ARHGAP15: variants seen among roughly 807,000 people sequenced by gnomAD.
ARHGAP15 encodes the protein rho GTPase-activating protein 15.
ARHGAP15 carries 51 observed loss-of-function variants against 63.7 expected under a neutral mutation model. The observed-to-expected ratio is 0.80, with a 90% confidence interval of 0.64 to 1.01. ARHGAP15 has a LOEUF of 1.01. ARHGAP15 is among the 50% of genes least tolerant of loss of function. The pLI is 0.00. For synonymous variants in ARHGAP15, 191 were observed against 193.8 expected (o/e 0.99, Z 0.12); for missense variants, 560 against 564.6 (o/e 0.99, Z 0.08).
At chr2:143,753,930 T>C (rs890089673) in intron 13 of ARHGAP15, among the ~76,000 whole-genome samples, 4 of 152,224 alleles carry the variant, frequency 2.6e-5, no homozygotes, top group African/African-American at 7.2e-5. Flanking sequence ...TATTTTTGCC[T>C]TCATCTTCTT....
intron 6 of ARHGAP15, among the ~76,000 whole-genome samples, chr2:143,419,683 TAAC>T (rs1181013382): frequency 1.3e-5 from 2 of 151,806 alleles, no homozygotes; most frequent in Non-Finnish European, 2.9e-5. Context: ...TATATAAACA[TAAC>T]ATATGTATTA....
chr2:143,171,187 C>T (rs142246310), intron 2 of ARHGAP15, among the ~76,000 whole-genome samples: 1 of 152,114 alleles, frequency 6.6e-6, no homozygotes, highest in East Asian at 1.9e-4. Context: ...ATGGAGTGAC[C>T]TCAGGATATC....
intron 6 of ARHGAP15, among the ~76,000 whole-genome samples, chr2:143,412,138 C>A (rs561771541): frequency 7.2e-5 from 11 of 152,212 alleles, no homozygotes; most frequent in African/African-American, 2.6e-4. Flanking sequence ...AATGATTGCT[C>A]TGTCAGCTTG....
In ARHGAP15 at chr2:143,421,071, GT is replaced by G. The variant is rs568627017; in HGVS notation, c.475-14525del. Among the ~76,000 whole-genome samples, 37 of 152,234 alleles carry G rather than the reference GT, an allele frequency of 2.4e-4. No individual in the cohort carries two copies. The East Asian group carries it at 6.4e-3, about 26-fold the overall frequency. On this transcript the variant is annotated intron_variant, in intron 6 of 13. Transcript: ENST00000295095. ...GTTTGCCAGGCTTTTAACTTCTTTG[GT>G]TTTTCCCTCTCCAGATCATGGTGAG...
intron 8 of ARHGAP15, among the ~76,000 whole-genome samples, chr2:143,449,883 A>G (rs938167184): frequency 2.0e-5 from 3 of 151,942 alleles, no homozygotes; most frequent in East Asian, 1.9e-4. Context: ...CTCAGTAAGA[A>G]TCTTTCTCAT....
At chr2:143,487,227 C>A in intron 8 of ARHGAP15, 146 bp from the exon 9 acceptor site, 1 of 880,958 alleles carries the variant, frequency 1.1e-6, no homozygotes, top group South Asian at 2.1e-5. Context: ...GCAAATTTTA[C>A]TCACATGGCT....
At chr2:143,372,109 G>A (rs987284054) in intron 6 of ARHGAP15, among the ~76,000 whole-genome samples, 1 of 151,854 alleles carries the variant, frequency 6.6e-6, no homozygotes, top group African/African-American at 2.4e-5. Flanking sequence ...GGAGGCTGAG[G>A]CAGGAGGATC....
chr2:143,364,856 A>G (rs1253304169), intron 6 of ARHGAP15, among the ~76,000 whole-genome samples: 2 of 152,096 alleles, frequency 1.3e-5, no homozygotes, highest in African/African-American at 4.8e-5. Flanking sequence ...AAATACAACA[A>G]TTATCCAGGC....
chr2:143,367,971 A>C (rs1344021407), intron 6 of ARHGAP15, among the ~76,000 whole-genome samples: 1 of 152,094 alleles, frequency 6.6e-6, no homozygotes, highest in Non-Finnish European at 1.5e-5. Flanking sequence ...GTTTATTGAA[A>C]GATCAATGGA....
chr2:143,542,749 A>AT (rs1447837129), intron 10 of ARHGAP15, among the ~76,000 whole-genome samples: 7 of 98,678 alleles, frequency 7.1e-5, no homozygotes, highest in Non-Finnish European at 1.3e-4. Flanking sequence ...TATATATGAT[A>AT]TATATAATAT....
At chr2:143,246,263 A>G (rs1436760636) in intron 5 of ARHGAP15, among the ~76,000 whole-genome samples, 1 of 152,038 alleles carries the variant, frequency 6.6e-6, no homozygotes, top group Non-Finnish European at 1.5e-5. Flanking sequence ...TGTAAGAAGT[A>G]AATGAGAAAT....
rs571511382 is a variant in ARHGAP15, at chr2:143,740,338, G to A, written c.1245-27651G>A. 1.1e-4 allele frequency among the ~76,000 whole-genome samples: 16 copies of A among 152,240 alleles called. No homozygotes were observed. In the South Asian group the frequency reaches 2.3e-3, roughly 22 times the overall value. On this transcript the variant is annotated intron_variant, in intron 13 of 13. Transcript: ENST00000295095. ...CTACCACTGTCTGTCTGCATATTAG[G>A]AACAACAGATACATCAGAATCTACC...
At chr2:143,198,991 T>C (rs1005956926) in intron 2 of ARHGAP15, among the ~76,000 whole-genome samples, 1 of 152,150 alleles carries the variant, frequency 6.6e-6, no homozygotes, top group Non-Finnish European at 1.5e-5. Flanking sequence ...GACGTATGTA[T>C]GAAATTTTCA....
At chr2:143,461,281 C>A (rs1485759777) in intron 8 of ARHGAP15, among the ~76,000 whole-genome samples, 38 of 55,050 alleles carry the variant, frequency 6.9e-4, no homozygotes, top group African/African-American at 1.0e-3. Context: ...CTCTGTCTCT[C>A]AAAAAAAAAA....
chr2:143,240,908 A>G (rs1354303263), intron 5 of ARHGAP15, among the ~76,000 whole-genome samples: 1 of 152,194 alleles, frequency 6.6e-6, no homozygotes, highest in Non-Finnish European at 1.5e-5. Context: ...TGTAACTTAC[A>G]TAATTTTTAA....
chr2:143,673,017 A>C (rs1682606294), intron 12 of ARHGAP15, among the ~76,000 whole-genome samples: 1 of 152,218 alleles, frequency 6.6e-6, no homozygotes, highest in Admixed American at 6.5e-5. Context: ...GGCATTAAGA[A>C]TTATACAGAA....
At chr2:143,375,281 G>A (rs1686754017) in intron 6 of ARHGAP15, among the ~76,000 whole-genome samples, 2 of 152,184 alleles carry the variant, frequency 1.3e-5, no homozygotes, top group East Asian at 1.9e-4. Context: ...ATAATCAATA[G>A]AAATGTCATT....
At chr2:143,716,014 G>A (rs529450550) in intron 13 of ARHGAP15, among the ~76,000 whole-genome samples, 1 of 152,284 alleles carries the variant, frequency 6.6e-6, no homozygotes, top group South Asian at 2.1e-4. Context: ...TTGTGGGGGT[G>A]TGAGATGGTG....
At chr2:143,337,304 C>T (rs1684846779) in intron 6 of ARHGAP15, among the ~76,000 whole-genome samples, 1 of 152,080 alleles carries the variant, frequency 6.6e-6, no homozygotes, top group Non-Finnish European at 1.5e-5. Context: ...GGCCAGATTG[C>T]AGTTTTGATG....
Sources: gnomAD v4.1 joint callset for allele counts (sites outside exome capture counted in the v4.1 genomes callset) on GRCh38, gnomAD v4.1.1 for gene constraint, MANE v1.5 for transcripts, NCBI Gene and HGNC (gene_info 2026-07-23, HGNC 2026-07-21) for gene names.